SLC5A7: variants seen among roughly 807,000 people sequenced by gnomAD.
SLC5A7 encodes the protein high affinity choline transporter 1.
In SLC5A7, 19 loss-of-function variants were observed where a neutral mutation model predicts 55.4. The ratio of observed to expected loss-of-function variants is 0.34; its 90% confidence interval spans 0.24 to 0.50. SLC5A7 has a LOEUF of 0.50. SLC5A7 is among the 20% of genes least tolerant of loss of function. The probability of loss-of-function intolerance (pLI) is 0.98; values close to 1 mark genes in which losing one functional copy is unlikely to be tolerated. For synonymous variants in SLC5A7, 265 were observed against 263.7 expected, an observed-to-expected ratio of 1.00 and a Z score of -0.05; for missense variants, 506 against 705.3, an observed-to-expected ratio of 0.72 and a Z score of 3.20.
chr2:107,988,580 G>A (rs989999965), intron 2 of SLC5A7, among the ~76,000 whole-genome samples: 1 of 152,184 alleles, frequency 6.6e-6, no homozygotes, highest in Non-Finnish European at 1.5e-5. Flanking sequence ...GAACAGTCAT[G>A]AAACAAATCT....
In SLC5A7 at chr2:108,008,558, T is replaced by G. The variant is rs1209442692; in HGVS notation, c.989T>G (p.Val330Gly). 5 of 1,613,600 alleles carry G rather than the reference T, an allele frequency of 3.1e-6. No homozygotes were observed. The highest frequency in any genetic ancestry group is 4.2e-6 in the Non-Finnish European group (5 of 1,179,820). The change falls in exon 8 of 9, where the codon GTG becomes GGG. Residue 330 changes from valine (V) to glycine (G), a missense_variant. Coordinates refer to ENST00000264047, the MANE Select transcript of SLC5A7 (RefSeq NM_021815.5). ...ATTGTTCTGCAGTATCTCTGCCCTG[T>G]GTATATTTCTTTCTTTGGTCTTGGT... is the stretch of plus-strand genomic sequence containing the variant. Reference protein sequence around the residue: ...LPIVLQYLCPVYISFFGLGAV... With the variant: ...LPIVLQYLCPGYISFFGLGAV...
intron 2 of SLC5A7, among the ~76,000 whole-genome samples, chr2:107,991,163 C>A (rs544026629): frequency 1.3e-5 from 2 of 152,266 alleles, no homozygotes; most frequent in South Asian, 2.1e-4. Flanking sequence ...ATCTGTAGAT[C>A]ATTCTTGGCT....
At chr2:107,994,433 A>G (rs1341979252) in intron 4 of SLC5A7, among the ~76,000 whole-genome samples, 1 of 152,100 alleles carries the variant, frequency 6.6e-6, no homozygotes, top group African/African-American at 2.4e-5. Flanking sequence ...AATACAAAAA[A>G]TTAGCCAGGC....
At position 107,990,197 on chromosome 2, in the gene SLC5A7, A is replaced by G. The variant is rs1329890702; in HGVS notation, c.178+1864A>G. ...ACAAAATATACAAACAAGGAGAGCA[A>G]ATACTGTTATAGAAGAGACTAAATT... On this transcript the variant is annotated intron_variant, in intron 2 of 8. Transcript: ENST00000264047. Among the ~76,000 whole-genome samples, 3 of 152,216 alleles carry G rather than the reference A, an allele frequency of 2.0e-5. No homozygotes were observed. The East Asian group carries it at 5.8e-4, about 29-fold the overall frequency.
chr2:108,005,694 G>A (rs1678083698), intron 6 of SLC5A7, among the ~76,000 whole-genome samples: 2 of 152,098 alleles, frequency 1.3e-5, no homozygotes, highest in South Asian at 2.1e-4. Context: ...GTGAGGATTC[G>A]CATCCTCATA....
chr2:107,990,589 AT>A (rs1306676556), intron 2 of SLC5A7, among the ~76,000 whole-genome samples: 2 of 152,116 alleles, frequency 1.3e-5, no homozygotes, highest in Non-Finnish European at 2.9e-5. Flanking sequence ...TATTTTTGTT[AT>A]TTGTTAACAC....
chr2:108,007,040 A>C (rs1442581354), intron 7 of SLC5A7, among the ~76,000 whole-genome samples: 1 of 152,230 alleles, frequency 6.6e-6, no homozygotes, highest in Non-Finnish European at 1.5e-5. Context: ...TCTATGTAGA[A>C]CATGTTCAAA....
At position 107,988,163 on chromosome 2, in the gene SLC5A7, T is replaced by C. The variant is rs945140285; in HGVS notation, c.8T>C (p.Phe3Ser). MA[F>S]HVEGLIAIIV... Reference sequence around the variant, plus strand: ...CTGGATCATTAGATAAAAATGGCTTTCCATGTGGAAGGACTGATAGCTATC... The same window carrying C: ...CTGGATCATTAGATAAAAATGGCTTCCCATGTGGAAGGACTGATAGCTATC... The change falls in exon 2 of 9, where the codon TTC (phenylalanine) becomes TCC (serine). Residue 3 changes from phenylalanine (F) to serine (S), a missense_variant. Transcript: ENST00000264047. The C allele has an allele frequency of 1.2e-6, 2 of 1,611,550 alleles. No individual in the cohort carries two copies. The highest frequency in any genetic ancestry group is 1.7e-6 in the Non-Finnish European group (2 of 1,178,116).
rs1453142932 is a variant in SLC5A7, at chr2:108,013,600, A to G, written c.*2739A>G. On this transcript the variant is annotated 3_prime_UTR_variant, in exon 9 of 9. Transcript: ENST00000264047. ...CTTCCAGCTTCAATCAGTAGACCTG[A>G]TTTTCAAAATCTGCCCTCAGATGAA... is the stretch of plus-strand genomic sequence containing the variant. 6.6e-6 allele frequency: 1 copy of G among 152,144 alleles called. No individual in the cohort carries two copies. Among genetic ancestry groups the G allele is most frequent in the Non-Finnish European group, 1.5e-5 (1 of 67,998 alleles). The allele number at this position is 152,144 out of a possible 1,614,324, so 9.4% of individuals were successfully genotyped here. A position where few individuals can be genotyped will look rare whatever the true frequency, so the allele number is the denominator to read the frequency against.
chr2:107,989,525 C>T (rs1239917666), intron 2 of SLC5A7, among the ~76,000 whole-genome samples: 1 of 152,158 alleles, frequency 6.6e-6, no homozygotes. Flanking sequence ...GTCTTTATAA[C>T]GGCATTATGA....
chr2:108,010,984 T>C lies in SLC5A7; in HGVS notation c.*123T>C. On this transcript the variant is annotated 3_prime_UTR_variant, in exon 9 of 9. Coordinates refer to ENST00000264047, the MANE Select transcript of SLC5A7 (RefSeq NM_021815.5). Reference sequence around the variant, plus strand: ...AAACAATGTTCAGGAGAGTAAAAATTCATATAAAGTGCAATTGCACAAATA... The same window carrying C: ...AAACAATGTTCAGGAGAGTAAAAATCCATATAAAGTGCAATTGCACAAATA... The C allele has an allele frequency of 9.3e-7, 1 of 1,078,934 alleles. No individual in the cohort carries two copies. Among genetic ancestry groups the C allele is most frequent in the Non-Finnish European group, 1.2e-6 (1 of 809,888 alleles). The allele number at this position is 1,078,934 out of a possible 1,614,324, so 66.8% of individuals were successfully genotyped here.
chr2:107,992,220 G>GT lies in SLC5A7; in HGVS notation c.292+2dup, dbSNP rs775027658. On this transcript the variant is annotated splice_donor_variant, in intron 3 of 8. Coordinates refer to ENST00000264047, the MANE Select transcript of SLC5A7 (RefSeq NM_021815.5). LOFTEE classifies it high-confidence loss of function. Reference sequence around the variant, plus strand: ...GGATATTCTCTTAGTCTGATTTTAGGTAAGTGAAAGTGCAAATCTCAGTGA... The same window carrying GT: ...GGATATTCTCTTAGTCTGATTTTAGGTTAAGTGAAAGTGCAAATCTCAGTGA... 4 of 1,581,302 alleles carry GT rather than the reference G, an allele frequency of 2.5e-6. No homozygotes were observed. The highest frequency in any genetic ancestry group is 3.5e-6 in the Non-Finnish European group (4 of 1,150,640).
chr2:108,007,332 C>T (rs1426711924), intron 7 of SLC5A7, among the ~76,000 whole-genome samples: 1 of 151,838 alleles, frequency 6.6e-6, no homozygotes, highest in Non-Finnish European at 1.5e-5. Context: ...TCATAGTGTA[C>T]ACTCTCCATT....
At position 107,993,007 on chromosome 2, in the gene SLC5A7, G is replaced by A. The variant is rs1573593382; in HGVS notation, c.328G>A (p.Gly110Arg). 1 of 1,614,030 alleles carries A rather than the reference G, an allele frequency of 6.2e-7. No individual in the cohort carries two copies. The highest frequency in any genetic ancestry group is 1.3e-5 in the African/African-American group (1 of 74,908). The change falls in exon 4 of 9, where the codon GGG becomes AGG. Residue 110 changes from glycine (G) to arginine (R), a missense_variant. Physicochemically the swap from Gly to Arg is moderately radical, Grantham distance 125. Around this residue, in one of 4 missense-constraint regions of SLC5A7, gnomAD observed 309 missense variants for 478.6 expected, o/e 0.65. Coordinates refer to ENST00000264047, the MANE Select transcript of SLC5A7 (RefSeq NM_021815.5). ...CTTTGCAAAACCTATGCGTTCAAAGGGGTATGTGACCATGTTAGACCCGTT... is the reference window on the plus strand; with the variant it reads ...CTTTGCAAAACCTATGCGTTCAAAGAGGTATGTGACCATGTTAGACCCGTT... ...LFFAKPMRSK[G>R]YVTMLDPFQQ...
chr2:107,988,206 A>G lies in SLC5A7; in HGVS notation c.51A>G (p.Leu17=). Residue 17 remains leucine, a synonymous_variant, in exon 2 of 9, where the codon CTA becomes CTG. Transcript: ENST00000264047. ...TAGCTATCATCGTGTTCTACCTTCT[A>G]ATTTTGCTGGTTGGAATATGGGCTG... ...GLIAIIVFYL[L]ILLVGIWAAW... 1 of 1,614,186 alleles carries G rather than the reference A, an allele frequency of 6.2e-7. No individual in the cohort carries two copies. Among genetic ancestry groups the G allele is most frequent in the Non-Finnish European group, 8.5e-7 (1 of 1,180,008 alleles).
intron 7 of SLC5A7, among the ~76,000 whole-genome samples, chr2:108,006,497 G>A (rs747000506): frequency 6.6e-6 from 1 of 151,398 alleles, no homozygotes; most frequent in Middle Eastern, 3.4e-3. Flanking sequence ...TGGGATTATA[G>A]GTGTGAGCTA....
At chr2:107,991,939 G>GA (rs1194539415) in intron 2 of SLC5A7, among the ~76,000 whole-genome samples, 167 bp from the exon 3 acceptor site, 1 of 152,086 alleles carries the variant, frequency 6.6e-6, no homozygotes, top group Non-Finnish European at 1.5e-5. Context: ...ATTAATGAAA[G>GA]AAAAAACATT....
intron 5 of SLC5A7, among the ~76,000 whole-genome samples, chr2:108,001,578 C>T (rs1177445296): frequency 6.9e-6 from 1 of 145,212 alleles, no homozygotes; most frequent in Non-Finnish European, 1.5e-5. Flanking sequence ...GAGGCTGAGG[C>T]AGGAGAATGG....
rs766405444 is a variant in SLC5A7, at chr2:107,997,885, A to T, written c.496A>T (p.Ile166Phe). Residue 166 changes from isoleucine (I) to phenylalanine (F), a missense_variant, in exon 5 of 9, where the codon ATC becomes TTC. By Grantham distance (21) the Ile-to-Phe change is conservative. Transcript: ENST00000264047. ...IIDVDMHISV[I>F]ISALIATLYT... ...CGATGTGGATATGCACATTTCTGTC[A>T]TCATCTCTGCACTCATTGCCACTCT... 2 of 1,613,130 alleles carry T rather than the reference A, an allele frequency of 1.2e-6. No homozygotes were observed. Among genetic ancestry groups the T allele is most frequent in the South Asian group, 2.2e-5 (2 of 90,942 alleles).
Sources: allele counts gnomAD v4.1 joint callset (sites outside exome capture counted in the v4.1 genomes callset), GRCh38; gene constraint gnomAD v4.1.1; regional missense constraint gnomAD v4.1.1; transcripts MANE v1.5; gene names NCBI Gene and HGNC (gene_info 2026-07-23, HGNC 2026-07-21).